IL23R: variants seen among roughly 807,000 people sequenced by gnomAD.
IL23R encodes interleukin 23 receptor.
A neutral mutation model predicts 56.9 loss-of-function variants in IL23R; 34 were observed. That is an observed-to-expected ratio of 0.60 (90% CI 0.45 to 0.80). The LOEUF is 0.80. Among genes scored for constraint, IL23R ranks in the 30% least tolerant of loss-of-function variants. The pLI is 0.00. For synonymous variants in IL23R, 230 were observed against 249.2 expected (o/e 0.92, Z 0.73); for missense variants, 635 against 730.0 (o/e 0.87, Z 1.50).
chr1:67,262,032 G>A (rs1192809263), downstream of IL23R, among the ~76,000 whole-genome samples: 2 of 152,216 alleles, frequency 1.3e-5, no homozygotes, highest in Non-Finnish European at 2.9e-5. Context: ...TGGGAGCAAT[G>A]TACCTGCCTT....
chr1:67,168,470 G>A (rs935620488), intron 2 of IL23R, among the ~76,000 whole-genome samples: 1 of 152,126 alleles, frequency 6.6e-6, no homozygotes, highest in South Asian at 2.1e-4. Flanking sequence ...ATGTTCTATT[G>A]TCAAACTATT....
At chr1:67,206,150 T>C (rs1480474367) in intron 5 of IL23R, among the ~76,000 whole-genome samples, 1 of 151,782 alleles carries the variant, frequency 6.6e-6, no homozygotes, top group African/African-American at 2.4e-5. Context: ...GTAGCTGGGA[T>C]TGGCACGCAC....
At chr1:67,170,511 G>A (rs566946988) in intron 3 of IL23R, among the ~76,000 whole-genome samples, 168 of 152,268 alleles carry the variant, frequency 1.1e-3, no homozygotes, top group African/African-American at 3.9e-3. Flanking sequence ...TTCAATGTGT[G>A]CTCTGAGTGT....
chr1:67,153,167 T>A (rs1386015748), intron 1 of IL23R, among the ~76,000 whole-genome samples: 1 of 152,294 alleles, frequency 6.6e-6, no homozygotes, highest in African/African-American at 2.4e-5. Context: ...TCTTCCTAGT[T>A]TAGTTTTGGG....
intron 4 of IL23R, among the ~76,000 whole-genome samples, chr1:67,190,033 G>C (rs1295876940): frequency 1.3e-5 from 2 of 152,144 alleles, no homozygotes; most frequent in East Asian, 3.9e-4. Flanking sequence ...TTGTGGTCGA[G>C]GTAGTATTAT....
chr1:67,212,531 T>C (rs1201239431), intron 6 of IL23R, among the ~76,000 whole-genome samples: 1 of 144,868 alleles, frequency 6.9e-6, no homozygotes, highest in Non-Finnish European at 1.5e-5. Context: ...TGCTACTTTC[T>C]AGTCATGCAA....
At chr1:67,236,142 C>A (rs1484396882) in intron 7 of IL23R, among the ~76,000 whole-genome samples, 1 of 152,174 alleles carries the variant, frequency 6.6e-6, no homozygotes, top group Non-Finnish European at 1.5e-5. Flanking sequence ...GCCTTTATAA[C>A]TAGACCAGGC....
chr1:67,162,524 T>C (rs963803939), upstream of IL23R, among the ~76,000 whole-genome samples: 3 of 152,152 alleles, frequency 2.0e-5, no homozygotes, highest in Non-Finnish European at 4.4e-5. Context: ...AAGTCTCCCA[T>C]ATTCCTTCGA....
intron 7 of IL23R, among the ~76,000 whole-genome samples, chr1:67,220,261 C>T (rs927692558): frequency 2.6e-5 from 4 of 151,658 alleles, no homozygotes; most frequent in East Asian, 1.9e-4. Flanking sequence ...CTCAGCTACT[C>T]GGAAGGCTGA....
intron 5 of IL23R, among the ~76,000 whole-genome samples, chr1:67,201,477 T>C (rs553511348): frequency 2.0e-5 from 3 of 151,794 alleles, no homozygotes; most frequent in East Asian, 1.9e-4. Context: ...TTTTCAAGCA[T>C]TGTTCTAAAG....
At chr1:67,252,533 A>G (rs1375139732) in intron 9 of IL23R, among the ~76,000 whole-genome samples, 1 of 150,864 alleles carries the variant, frequency 6.6e-6, no homozygotes, top group South Asian at 2.1e-4. Context: ...TCTGAAATCC[A>G]AAAGAGAACT....
intron 4 of IL23R, among the ~76,000 whole-genome samples, chr1:67,188,202 T>C (rs1647486646): frequency 6.6e-6 from 1 of 152,228 alleles, no homozygotes; most frequent in South Asian, 2.1e-4. Context: ...TTTTCCTCTT[T>C]CTACTCTGCC....
At chr1:67,211,790 C>G in intron 6 of IL23R, among the ~76,000 whole-genome samples, 1 of 152,134 alleles carries the variant, frequency 6.6e-6, no homozygotes, top group East Asian at 1.9e-4. Context: ...TTCTCTGCTC[C>G]CCCTGGTGGT....
At chr1:67,167,904 A>G (rs1212352075) in intron 1 of IL23R, among the ~76,000 whole-genome samples, 188 bp from the exon 2 acceptor site, 1 of 152,060 alleles carries the variant, frequency 6.6e-6, no homozygotes, top group Admixed American at 6.6e-5. Context: ...CTCTTGTTAT[A>G]TCTCCTAAAT....
At chr1:67,149,193 C>T (rs1467036198) in intron 1 of IL23R, among the ~76,000 whole-genome samples, 1 of 152,166 alleles carries the variant, frequency 6.6e-6, no homozygotes, top group African/African-American at 2.4e-5. Flanking sequence ...GCTGAATGGG[C>T]CCCTGGGAGC....
intron 7 of IL23R, among the ~76,000 whole-genome samples, chr1:67,224,932 G>A (rs753978174): frequency 2.6e-5 from 4 of 152,104 alleles, no homozygotes; most frequent in Non-Finnish European, 5.9e-5. Flanking sequence ...TCTATAAAAG[G>A]AGTGTAATTA....
At chr1:67,252,629 G>T (rs1652701571) in intron 9 of IL23R, among the ~76,000 whole-genome samples, 1 of 151,994 alleles carries the variant, frequency 6.6e-6, no homozygotes, top group African/African-American at 2.4e-5. Flanking sequence ...TGCTCCTGGG[G>T]GTCGTTAGAA....
At chr1:67,202,109 T>G (rs1007213185) in intron 5 of IL23R, among the ~76,000 whole-genome samples, 1 of 152,260 alleles carries the variant, frequency 6.6e-6, no homozygotes, top group African/African-American at 2.4e-5. Flanking sequence ...TGAATCATCC[T>G]GTCTTTGCAG....
rs1653107118 is a variant in IL23R at position 67,259,107 on chromosome 1, G to T, written c.1869G>T (p.Arg623Ser). The T allele has an allele frequency of 1.3e-5, 21 of 1,613,764 alleles. No homozygotes were observed. The highest frequency in any genetic ancestry group is 1.8e-5 in the Non-Finnish European group (21 of 1,179,882). ...ATATTTTGGAAAGCCACTTCAATAG[G>T]ATTTCACTCTTGGAAAAGTAGAGCT... Reference protein sequence around the residue: ...PQNILESHFNRISLLEK With the variant: ...PQNILESHFNSISLLEK The change falls in exon 11 of 11, where the codon AGG (arginine) becomes AGT (serine). Residue 623 changes from arginine (R) to serine (S), a missense_variant. Transcript: ENST00000347310.
Sources: allele counts gnomAD v4.1 joint callset (sites outside exome capture counted in the v4.1 genomes callset), GRCh38; gene constraint gnomAD v4.1.1; transcripts MANE v1.5; gene names NCBI Gene and HGNC (gene_info 2026-07-23, HGNC 2026-07-21).